Variants in NAA11 observed in about 807,000 individuals in gnomAD.
NAA11 encodes the protein N-alpha-acetyltransferase 11, NatA catalytic subunit.
A neutral mutation model predicts 16.1 loss-of-function variants in NAA11; 15 were observed. That is an observed-to-expected ratio of 0.93 (90% CI 0.62 to 1.44). NAA11 has a LOEUF of 1.44. Among genes scored for constraint, NAA11 ranks in the 40% most tolerant of loss-of-function variants. The pLI, the probability that NAA11 is intolerant of heterozygous loss-of-function variation, is 0.00. For missense variants in NAA11, 298 were observed against 291.3 expected (o/e 1.02, Z -0.17); for synonymous variants, 122 against 112.4 (o/e 1.09, Z -0.54).
chr4:79,216,803 G>A, the NAA11 span, among the ~76,000 whole-genome samples: 7 of 152,176 alleles, frequency 4.6e-5, no homozygotes, highest in Non-Finnish European at 7.4e-5. Context: ...GTGGATGGCT[G>A]GTAAAATTGA....
At chr4:79,188,827 C>T in the NAA11 span, among the ~76,000 whole-genome samples, 1 of 152,030 alleles carries the variant, frequency 6.6e-6, no homozygotes, top group African/African-American at 2.4e-5. Context: ...GCAGTGGAAG[C>T]TTGGGGTGGG....
chr4:79,312,179 A>G (rs1045735857), downstream of NAA11, among the ~76,000 whole-genome samples: 1 of 152,190 alleles, frequency 6.6e-6, no homozygotes, highest in Non-Finnish European at 1.5e-5. Context: ...TGATTTTTCA[A>G]AATTCTTTAT....
the NAA11 span, among the ~76,000 whole-genome samples, chr4:79,208,958 C>A: frequency 9.8e-3 from 688 of 70,208 alleles, 5 homozygotes; most frequent in Non-Finnish European, 0.018. Flanking sequence ...CCCCAAAAAA[C>A]CAAAACTGCC....
the NAA11 span, among the ~76,000 whole-genome samples, chr4:79,167,202 C>CAT: frequency 3.7e-5 from 3 of 80,944 alleles, 1 homozygote; most frequent in Admixed American, 4.5e-4. Context: ...TATATACATA[C>CAT]ATATATATAC....
chr4:79,314,641 T>TAAAAAAAAAAAAAAAAAAAAATA (rs1723874828), downstream of NAA11, among the ~76,000 whole-genome samples: 2 of 98,048 alleles, frequency 2.0e-5, no homozygotes, highest in African/African-American at 8.2e-5. Context: ...TCCTTAAAAT[T>TAAAAAAAAAAAAAAAAAAAAATA]AAAAAAAAAA....
At chr4:79,200,085 G>A in the NAA11 span, among the ~76,000 whole-genome samples, 5 of 151,708 alleles carry the variant, frequency 3.3e-5, no homozygotes, top group South Asian at 2.1e-4. Flanking sequence ...TACCTACAAC[G>A]AGAAGGCATA....
At chr4:79,230,704 A>G (rs1314645547) in intron 2 of NAA11, among the ~76,000 whole-genome samples, 1 of 151,970 alleles carries the variant, frequency 6.6e-6, no homozygotes, top group Non-Finnish European at 1.5e-5. Context: ...TAATAACTAA[A>G]GGAGTTTTTT....
At chr4:79,310,792 T>C (rs576745090) in intron 1 of NAA11, among the ~76,000 whole-genome samples, 1 of 152,342 alleles carries the variant, frequency 6.6e-6, no homozygotes, top group South Asian at 2.1e-4. Flanking sequence ...AGTTGCTTAT[T>C]ACCAGCTATA....
the NAA11 span, among the ~76,000 whole-genome samples, chr4:79,189,145 C>CAAAAAAAAAAA: frequency 2.9e-3 from 124 of 42,274 alleles, 11 homozygotes; most frequent in African/African-American, 7.5e-3. Flanking sequence ...GACTCCATCT[C>CAAAAAAAAAAA]AAAAAAAAAA....
chr4:79,279,095 G>C (rs1473717574), intron 2 of NAA11, among the ~76,000 whole-genome samples: 1 of 151,898 alleles, frequency 6.6e-6, no homozygotes, highest in Non-Finnish European at 1.5e-5. Flanking sequence ...TTGTATTGAG[G>C]GTTAAGTTTC....
At chr4:79,320,221 A>ACAG (rs1198630784) in intron 1 of NAA11, among the ~76,000 whole-genome samples, 1 of 152,194 alleles carries the variant, frequency 6.6e-6, no homozygotes, top group Non-Finnish European at 1.5e-5. Context: ...GAATGCTTTG[A>ACAG]CATTTAGCTT....
At chr4:79,261,360 T>C (rs1443352127) in intron 2 of NAA11, among the ~76,000 whole-genome samples, 2 of 152,168 alleles carry the variant, frequency 1.3e-5, no homozygotes, top group African/African-American at 4.8e-5. Context: ...ACTATTTCAA[T>C]AGGCAACAGT....
chr4:79,325,899 G>A lies in NAA11; in HGVS notation c.-22C>T, dbSNP rs751627259. ...TCATAATGGCAGAGGGTAGGGAACC[G>A]GTTGGACTGCAGTGAACCCAGAAGA... is the stretch of plus-strand genomic sequence containing the variant. On this transcript the variant is annotated 5_prime_UTR_variant, in exon 1 of 2. Coordinates refer to ENST00000286794, the MANE Select transcript of NAA11 (RefSeq NM_032693.3). 19 of 1,585,796 alleles carry A rather than the reference G, an allele frequency of 1.2e-5. No individual in the cohort carries two copies. Among genetic ancestry groups the A allele is most frequent in the African/African-American group, 5.4e-5 (4 of 74,576 alleles).
chr4:79,258,529 G>A (rs1722175901), intron 2 of NAA11, among the ~76,000 whole-genome samples: 1 of 152,202 alleles, frequency 6.6e-6, no homozygotes, highest in African/African-American at 2.4e-5. Flanking sequence ...TGCTGCCTTG[G>A]CCCCTTCTGG....
chr4:79,211,291 A>T, the NAA11 span, among the ~76,000 whole-genome samples: 1 of 152,286 alleles, frequency 6.6e-6, no homozygotes, highest in South Asian at 2.1e-4. Flanking sequence ...AGAATTTATA[A>T]TAGCTACATT....
chr4:79,204,593 G>C, the NAA11 span, among the ~76,000 whole-genome samples: 1 of 141,128 alleles, frequency 7.1e-6, no homozygotes, highest in Non-Finnish European at 1.5e-5. Flanking sequence ...AATAAATTTA[G>C]GTGTATAAGT....
At chr4:79,236,298 T>C (rs1721567967) in intron 2 of NAA11, among the ~76,000 whole-genome samples, 1 of 152,116 alleles carries the variant, frequency 6.6e-6, no homozygotes, top group African/African-American at 2.4e-5. Context: ...TCACATCTTT[T>C]TGTTTTTTTA....
chr4:79,182,354 C>T, the NAA11 span, among the ~76,000 whole-genome samples: 17 of 152,144 alleles, frequency 1.1e-4, no homozygotes, highest in Non-Finnish European at 1.8e-4. Context: ...TTCTGCCACC[C>T]ATTATCAACT....
At chr4:79,265,585 G>T (rs1223861729) in intron 2 of NAA11, among the ~76,000 whole-genome samples, 1 of 152,078 alleles carries the variant, frequency 6.6e-6, no homozygotes, top group African/African-American at 2.4e-5. Flanking sequence ...CTGCCTCAAG[G>T]CCTTTGCATT....
Sources: gnomAD v4.1 joint callset for allele counts (sites outside exome capture counted in the v4.1 genomes callset) on GRCh38, gnomAD v4.1.1 for gene constraint, MANE v1.5 for transcripts, NCBI Gene and HGNC (gene_info 2026-07-23, HGNC 2026-07-21) for gene names.